The following TMEM114 variants were observed in gnomAD, a reference collection of about 807,000 sequenced individuals.
TMEM114 encodes transmembrane protein 114.
In TMEM114, 6 loss-of-function variants were observed where a neutral mutation model predicts 6.2. The ratio of observed to expected loss-of-function variants is 0.97; its 90% confidence interval spans 0.53 to 1.91. TMEM114 has a LOEUF of 1.91. TMEM114 is among the 40% of genes most tolerant of loss of function. The pLI, the probability that TMEM114 is intolerant of heterozygous loss-of-function variation, is 0.01. For synonymous variants in TMEM114, 104 were observed against 73.0 expected, an observed-to-expected ratio of 1.42 and a Z score of -2.16; for missense variants, 218 against 158.3, an observed-to-expected ratio of 1.38 and a Z score of -2.02.
intron 2 of TMEM114, among the ~76,000 whole-genome samples, chr16:8,588,880 G>A (rs1370930599): frequency 1.3e-5 from 2 of 152,180 alleles, no homozygotes; most frequent in Admixed American, 6.5e-5. Context: ...TCCTCACGCT[G>A]CTGGACTCTA....
chr16:8,568,338 C>T (rs1021229411), downstream of TMEM114, among the ~76,000 whole-genome samples: 1 of 152,062 alleles, frequency 6.6e-6, no homozygotes, highest in South Asian at 2.1e-4. Context: ...ACTGACTGAC[C>T]GACTGGCGTG....
At position 8,546,247 on chromosome 16, in the gene TMEM114, A is replaced by C. The variant is rs138252699; in HGVS notation, n.213-8421T>G. ...CAGACTGATTGTGTATACTTTATAG[A>C]ATTTCTTAACTCATTTCAAACTGGT... is the stretch of plus-strand genomic sequence containing the variant. On this transcript the variant is annotated intron_variant and non_coding_transcript_variant, in intron 2 of 2. Coordinates refer to the TMEM114 transcript ENST00000623677. Among the ~76,000 whole-genome samples, 856 of 152,332 alleles carry C rather than the reference A, an allele frequency of 5.6e-3. 6 individuals carry two copies. The highest frequency in any genetic ancestry group is 0.02 in the African/African-American group (812 of 41,564).
intron 2 of TMEM114, among the ~76,000 whole-genome samples, chr16:8,545,460 T>C (rs1447899380): frequency 1.3e-5 from 2 of 152,102 alleles, no homozygotes; most frequent in South Asian, 4.1e-4. Context: ...ATCATCATCA[T>C]CATCACCATC....
chr16:8,531,752 A>G, the TMEM114 span, among the ~76,000 whole-genome samples: 8 of 152,384 alleles, frequency 5.2e-5, no homozygotes, highest in African/African-American at 1.7e-4. Flanking sequence ...GGAATCCTCA[A>G]TGAAATGATC....
chr16:8,561,746 GGAAT>G (rs142729024), intron 2 of TMEM114, among the ~76,000 whole-genome samples: 44 of 152,054 alleles, frequency 2.9e-4, no homozygotes, highest in African/African-American at 8.7e-4. Context: ...AATGAGTGGG[GGAAT>G]GAATGAATGA....
intron 2 of TMEM114, among the ~76,000 whole-genome samples, chr16:8,564,122 T>C (rs1244527951): frequency 6.6e-6 from 1 of 151,316 alleles, no homozygotes; most frequent in Admixed American, 6.6e-5. Flanking sequence ...AGTAAGTGAA[T>C]GAGTGAGTTA....
chr16:8,549,840 G>A (rs1269600697), intron 2 of TMEM114, among the ~76,000 whole-genome samples: 1 of 152,152 alleles, frequency 6.6e-6, no homozygotes, highest in African/African-American at 2.4e-5. Context: ...ATATATAAAA[G>A]GGAATTTATT....
chr16:8,560,949 A>G (rs552263036), intron 2 of TMEM114, among the ~76,000 whole-genome samples: 31 of 152,384 alleles, frequency 2.0e-4, no homozygotes, highest in African/African-American at 7.2e-4. Context: ...GGCAGAAGGC[A>G]AAAGACACGT....
chr16:8,532,549 C>A, the TMEM114 span, among the ~76,000 whole-genome samples: 1 of 152,138 alleles, frequency 6.6e-6, no homozygotes, highest in African/African-American at 2.4e-5. Context: ...TTCTAGGGGT[C>A]CATTAAAGAG....
intron 2 of TMEM114, among the ~76,000 whole-genome samples, chr16:8,545,809 C>G (rs553874451): frequency 6.6e-6 from 1 of 152,196 alleles, no homozygotes; most frequent in South Asian, 2.1e-4. Flanking sequence ...ATTCTCAAAC[C>G]TTTGATTTCA....
At chr16:8,542,140 C>A (rs879871103) in intron 2 of TMEM114, among the ~76,000 whole-genome samples, 1 of 123,114 alleles carries the variant, frequency 8.1e-6, no homozygotes. Flanking sequence ...GAGGATGATT[C>A]GTGGGGGGGG....
At position 8,569,671 on chromosome 16, in the gene TMEM114, C is replaced by T; in HGVS notation, c.*102G>A. 6.9e-7 allele frequency: 1 copy of T among 1,446,378 alleles called. No homozygotes were observed. Among genetic ancestry groups the T allele is most frequent in the Non-Finnish European group, 9.1e-7 (1 of 1,102,842 alleles). 89.6% of individuals were successfully genotyped at this position (1,446,378 alleles called of 1,614,324 possible). On this transcript the variant is annotated 3_prime_UTR_variant, in exon 4 of 4. Transcript: ENST00000620492. ...GGAAGGAGGGGGGTGCCTGGCCTCC[C>T]CGAGTGGCCTTTGAGGAAGAAGAGG...
chr16:8,549,132 A>T (rs1020621260), intron 2 of TMEM114, among the ~76,000 whole-genome samples: 4 of 145,812 alleles, frequency 2.7e-5, no homozygotes, highest in Admixed American at 7.2e-5. Context: ...CAGTGAGCCG[A>T]GATCGTACCA....
chr16:8,556,184 C>T (rs143060979), intron 2 of TMEM114, among the ~76,000 whole-genome samples: 255 of 152,162 alleles, frequency 1.7e-3, no homozygotes, highest in African/African-American at 5.7e-3. Flanking sequence ...CTCTCCTTCC[C>T]GCCAGCTCTG....
intron 2 of TMEM114, among the ~76,000 whole-genome samples, chr16:8,578,978 C>T (rs1416606815): frequency 6.6e-6 from 1 of 151,782 alleles, no homozygotes; most frequent in Admixed American, 6.6e-5. Flanking sequence ...GACTCCATCT[C>T]AAAAAAATAA....
intron 2 of TMEM114, among the ~76,000 whole-genome samples, chr16:8,556,220 A>G (rs1901005210): frequency 6.6e-6 from 1 of 152,146 alleles, no homozygotes; most frequent in Admixed American, 6.6e-5. Flanking sequence ...CTACACAAGT[A>G]TCAGCCCCTC....
chr16:8,576,299 C>A lies in TMEM114; in HGVS notation c.302-4075G>T, dbSNP rs111227642. Among the ~76,000 whole-genome samples, 286 of 152,340 alleles carry A rather than the reference C, an allele frequency of 1.9e-3. 1 individual carries two copies. The highest frequency in any genetic ancestry group is 3.5e-3 in the Non-Finnish European group (236 of 68,042). The stretch of plus-strand genomic sequence containing the variant: ...CTGATATTACCCAGTCCAGAACAAA[C>A]CTCCACATCCTCAGACCCTCCAAAG... On this transcript the variant is annotated intron_variant, in intron 2 of 3. Transcript: ENST00000620492.
chr16:8,573,534 G>A (rs2141686815), intron 2 of TMEM114, among the ~76,000 whole-genome samples: 1 of 152,206 alleles, frequency 6.6e-6, no homozygotes, highest in Admixed American at 6.5e-5. Context: ...TTGACTCTGA[G>A]CTTCCCAGCA....
intron 2 of TMEM114, among the ~76,000 whole-genome samples, chr16:8,556,810 A>T (rs985645157): frequency 7.2e-5 from 11 of 152,152 alleles, no homozygotes; most frequent in African/African-American, 2.4e-4. Context: ...ACCCGTGTGC[A>T]CTTTAAAATG....
Sources: allele counts gnomAD v4.1 joint callset (sites outside exome capture counted in the v4.1 genomes callset), GRCh38; gene constraint gnomAD v4.1.1; transcripts MANE v1.5; gene names NCBI Gene and HGNC (gene_info 2026-07-23, HGNC 2026-07-21).